Variants in HTR2A observed in about 807,000 individuals in gnomAD.
The protein encoded by HTR2A is 5-hydroxytryptamine receptor 2A, also known as 5-HT2 receptor.
A neutral mutation model predicts 31.0 loss-of-function variants in HTR2A; 14 were observed. The observed-to-expected ratio is 0.45, with a 90% CI of 0.30 to 0.71. HTR2A has a LOEUF of 0.71. Ranked by LOEUF, HTR2A falls within the 30% of genes least tolerant of loss-of-function variation. The probability of loss-of-function intolerance (pLI) is 0.09; values close to 1 mark genes in which losing one functional copy is unlikely to be tolerated. For synonymous variants in HTR2A, 209 were observed against 225.2 expected, an observed-to-expected ratio of 0.93 and a Z score of 0.64; for missense variants, 442 against 573.3, an observed-to-expected ratio of 0.77 and a Z score of 2.34.
At chr13:46,867,109 G>GA (rs1366891813) in intron 3 of HTR2A, among the ~76,000 whole-genome samples, 3 of 152,132 alleles carry the variant, frequency 2.0e-5, no homozygotes, top group East Asian at 3.8e-4. Flanking sequence ...TTTTGTGGGG[G>GA]AATCAGGATA....
rs1368378109 is a variant in HTR2A at position 46,833,201 on chromosome 13, A to G, written c.*1636T>C. ...CCCCTCCTTTATTTGTTTGGTGTTT[A>G]TTGGTAACCAATCAGGAAAACTTAT... On this transcript the variant is annotated 3_prime_UTR_variant, in exon 4 of 4. Transcript: ENST00000542664. The G allele has an allele frequency of 6.6e-6, 1 of 152,140 alleles. No homozygotes were observed. Among genetic ancestry groups the G allele is most frequent in the African/African-American group, 2.4e-5 (1 of 41,424 alleles). The allele number at this position is 152,140 out of a possible 1,614,324, so 9.4% of individuals were successfully genotyped here. A position where few individuals can be genotyped will look rare whatever the true frequency, so the allele number is the denominator to read the frequency against.
chr13:46,873,252 C>T (rs1179924890), intron 3 of HTR2A, among the ~76,000 whole-genome samples: 1 of 151,784 alleles, frequency 6.6e-6, no homozygotes, highest in Non-Finnish European at 1.5e-5. Context: ...TACATAGACA[C>T]CACTTTTGTT....
intron 3 of HTR2A, among the ~76,000 whole-genome samples, chr13:46,890,338 C>T (rs2138252885): frequency 6.6e-6 from 1 of 152,306 alleles, no homozygotes; most frequent in Admixed American, 6.5e-5. Context: ...AGCGAAACTT[C>T]ATCTCAAAAA....
At chr13:46,875,522 G>A (rs893091741) in intron 3 of HTR2A, among the ~76,000 whole-genome samples, 6 of 152,054 alleles carry the variant, frequency 3.9e-5, no homozygotes, top group African/African-American at 1.4e-4. Flanking sequence ...GTAGATAATT[G>A]ACTTTGAAGA....
intron 3 of HTR2A, among the ~76,000 whole-genome samples, chr13:46,885,440 A>C (rs1178372251): frequency 6.6e-6 from 1 of 152,218 alleles, no homozygotes; most frequent in Non-Finnish European, 1.5e-5. Flanking sequence ...ATGGAAAGGG[A>C]AACTGGATAA....
At position 46,895,865 on chromosome 13, in the gene HTR2A, A is replaced by C. The variant is rs1248252199; in HGVS notation, c.42T>G (p.Thr14=). The change falls in exon 2 of 4, where the codon ACT becomes ACG. Residue 14 remains threonine (T), a synonymous_variant. Coordinates refer to ENST00000542664, the MANE Select transcript of HTR2A (RefSeq NM_000621.5). The surrounding 1 kb of genome is among the most constrained non-coding windows in gnomAD (Gnocchi z 4.4). The part of the protein sequence containing the change: ...LCEENTSLSS[T]TNSLMQLNDD... ...CATTTAATTGCATTAGGGAGTTCGTAGTTGAGCTCAAAGAAGTATTTTCTT... is the reference window on the plus strand; with the variant it reads ...CATTTAATTGCATTAGGGAGTTCGTCGTTGAGCTCAAAGAAGTATTTTCTT... The C allele has an allele frequency of 1.1e-5, 18 of 1,613,150 alleles. No homozygotes were observed. The highest frequency in any genetic ancestry group is 1.4e-5 in the Non-Finnish European group (17 of 1,179,736).
rs186832749 is a variant in HTR2A at position 46,844,694 on chromosome 13, G to T, written c.614-9055C>A. Among the ~76,000 whole-genome samples the T allele has an allele frequency of 7.2e-5, 11 of 152,266 alleles. No individual in the cohort carries two copies. The East Asian group carries it at 2.1e-3, about 29-fold the overall frequency. ...TAAACAAGTATGTATCAGCAAACTG[G>T]AGCATGAATATAGTGGGAAAATCAC... On this transcript the variant is annotated intron_variant, in intron 3 of 3. Coordinates refer to ENST00000542664, the MANE Select transcript of HTR2A (RefSeq NM_000621.5).
At chr13:46,868,680 T>C (rs1385357254) in intron 3 of HTR2A, among the ~76,000 whole-genome samples, 1 of 152,192 alleles carries the variant, frequency 6.6e-6, no homozygotes, top group Non-Finnish European at 1.5e-5. Context: ...TTTCCATTAT[T>C]TGTCCTTGGG....
At chr13:46,893,495 G>A (rs552448303) in intron 2 of HTR2A, among the ~76,000 whole-genome samples, 23 of 152,318 alleles carry the variant, frequency 1.5e-4, no homozygotes, top group African/African-American at 3.8e-4. Context: ...GTATCAGCTG[G>A]AGAGCTTTAG....
chr13:46,840,816 T>C (rs895482205), intron 3 of HTR2A, among the ~76,000 whole-genome samples: 2 of 152,202 alleles, frequency 1.3e-5, no homozygotes, highest in Admixed American at 1.3e-4. Context: ...GATAGATCTT[T>C]CCTTAGATGG....
chr13:46,872,373 C>T (rs1207108617), intron 3 of HTR2A, among the ~76,000 whole-genome samples: 2 of 152,118 alleles, frequency 1.3e-5, no homozygotes, highest in African/African-American at 4.8e-5. Context: ...CTAATATTAA[C>T]AAGCGTATGT....
chr13:46,883,512 A>G (rs2138243557), intron 3 of HTR2A, among the ~76,000 whole-genome samples: 1 of 152,384 alleles, frequency 6.6e-6, no homozygotes, highest in Admixed American at 6.5e-5. Context: ...GTTGCCTGTC[A>G]GAATACGGCA....
rs1951100693 is a variant in HTR2A, at chr13:46,895,960, T to C, written c.-54A>G. ...GTGTAGAAGGACTAACAGGTTATAGTTTCTGCTCACCATTCACCTTGATGT... is the reference window on the plus strand; with the variant it reads ...GTGTAGAAGGACTAACAGGTTATAGCTTCTGCTCACCATTCACCTTGATGT... On this transcript the variant is annotated 5_prime_UTR_variant, in exon 2 of 4. Transcript: ENST00000542664. This position sits in a 1 kb window ranked among gnomAD's most constrained non-coding sequence, Gnocchi z 4.4. 4.5e-6 allele frequency: 7 copies of C among 1,546,582 alleles called. No homozygotes were observed. The South Asian group carries it at 8.9e-5, about 20-fold the overall frequency.
At chr13:46,873,963 C>T (rs1950886326) in intron 3 of HTR2A, among the ~76,000 whole-genome samples, 1 of 152,080 alleles carries the variant, frequency 6.6e-6, no homozygotes, top group South Asian at 2.1e-4. Flanking sequence ...GAGGAAAATT[C>T]CCTATTAACA....
chr13:46,862,672 T>A lies in HTR2A; in HGVS notation c.614-27033A>T, dbSNP rs139717102. Among the ~76,000 whole-genome samples, 494 of 152,338 alleles carry A rather than the reference T, an allele frequency of 3.2e-3. 4 individuals carry two copies. The highest frequency in any genetic ancestry group is 0.011 in the African/African-American group (470 of 41,574). On this transcript the variant is annotated intron_variant, in intron 3 of 3. Transcript: ENST00000542664. ...TAAGTGAACTATTTGAGACAACTTA[T>A]AACTTATGTTGGGTCAGGTAACTCT...
intron 3 of HTR2A, among the ~76,000 whole-genome samples, chr13:46,838,374 G>A (rs1001365121): frequency 6.6e-6 from 1 of 152,142 alleles, no homozygotes; most frequent in Non-Finnish European, 1.5e-5. Flanking sequence ...CATGCATTTG[G>A]TGAGGATAAA....
intron 3 of HTR2A, among the ~76,000 whole-genome samples, chr13:46,850,549 G>A (rs1593429315): frequency 6.6e-6 from 1 of 152,282 alleles, no homozygotes; most frequent in Non-Finnish European, 1.5e-5. Flanking sequence ...AGGTATGCAG[G>A]CTTGGGGATC....
chr13:46,849,464 T>C (rs962055181), intron 3 of HTR2A, among the ~76,000 whole-genome samples: 5 of 152,168 alleles, frequency 3.3e-5, no homozygotes, highest in Non-Finnish European at 5.9e-5. Context: ...CTCCTTACTT[T>C]GGCTGCAGGC....
intron 3 of HTR2A, among the ~76,000 whole-genome samples, chr13:46,889,559 A>C (rs1054161275): frequency 3.9e-5 from 6 of 152,210 alleles, no homozygotes; most frequent in Non-Finnish European, 8.8e-5. Context: ...TACAAACTCA[A>C]TATTCCAGGA....
Sources: gnomAD v4.1 joint callset for allele counts (sites outside exome capture counted in the v4.1 genomes callset) on GRCh38, gnomAD v4.1.1 for gene constraint, Gnocchi (gnomAD v3.1) non-coding constraint, MANE v1.5 for transcripts, NCBI Gene and HGNC (gene_info 2026-07-23, HGNC 2026-07-21) for gene names.